NUP35: variants seen among roughly 807,000 people sequenced by gnomAD.
NUP35 encodes the protein nucleoporin 35.
Under a neutral mutation model 41.5 loss-of-function variants are expected in NUP35, and 25 were observed. The ratio of observed to expected loss-of-function variants is 0.60; its 90% confidence interval spans 0.44 to 0.84. The LOEUF is 0.84. NUP35 is among the 40% of genes least tolerant of loss of function. The probability of loss-of-function intolerance (pLI) is 0.00; values close to 1 mark genes in which losing one functional copy is unlikely to be tolerated. For synonymous variants in NUP35, 149 were observed against 130.7 expected (o/e 1.14, Z -0.96); for missense variants, 396 against 396.6 (o/e 1.00, Z 0.01).
At chr2:183,153,151 A>G (rs1345389048) in intron 5 of NUP35, among the ~76,000 whole-genome samples, 3 of 152,186 alleles carry the variant, frequency 2.0e-5, no homozygotes, top group Non-Finnish European at 1.5e-5. Flanking sequence ...CCATGAATCA[A>G]TTACCTCTCC....
chr2:183,156,900 A>T (rs1381015965), intron 5 of NUP35, among the ~76,000 whole-genome samples: 1 of 152,178 alleles, frequency 6.6e-6, no homozygotes, highest in African/African-American at 2.4e-5. Context: ...GAATTTTCTC[A>T]TGCAGAGATA....
At chr2:183,120,616 T>A (rs2675054), upstream of NUP35, among the ~76,000 whole-genome samples, 1 of 152,118 alleles carries the variant, frequency 6.6e-6, no homozygotes, top group South Asian at 2.1e-4. Context: ...AAAAACAAAG[T>A]GGAGCAGACA....
At chr2:183,134,536 G>A (rs1471976626) in intron 4 of NUP35, among the ~76,000 whole-genome samples, 1 of 151,920 alleles carries the variant, frequency 6.6e-6, no homozygotes, top group Non-Finnish European at 1.5e-5. Flanking sequence ...GAGGTCGGAA[G>A]TTTGAAATGG....
At chr2:183,152,919 G>T (rs769760136) in intron 5 of NUP35, among the ~76,000 whole-genome samples, 1 of 152,180 alleles carries the variant, frequency 6.6e-6, no homozygotes, top group Non-Finnish European at 1.5e-5. Context: ...TATTCATACT[G>T]ATAAAGACAT....
intron 1 of NUP35, among the ~76,000 whole-genome samples, chr2:183,126,163 G>A (rs897287043): frequency 6.6e-6 from 1 of 152,060 alleles, no homozygotes; most frequent in African/African-American, 2.4e-5. Context: ...AGCCTCCCAG[G>A]GGCTGGGACC....
At chr2:183,126,251 C>G (rs1237685292) in intron 1 of NUP35, among the ~76,000 whole-genome samples, 2 of 152,188 alleles carry the variant, frequency 1.3e-5, no homozygotes, top group East Asian at 1.9e-4. Flanking sequence ...AGACTGGTCT[C>G]GAACTGAGCT....
upstream of NUP35, among the ~76,000 whole-genome samples, chr2:183,122,027 AC>A (rs1422914603): frequency 6.7e-6 from 1 of 149,252 alleles, no homozygotes; most frequent in Non-Finnish European, 1.5e-5. Context: ...CAATTTACAA[AC>A]CCTTTTCTAC....
chr2:183,120,440 C>T (rs1432232315), upstream of NUP35, among the ~76,000 whole-genome samples: 14 of 98,924 alleles, frequency 1.4e-4, no homozygotes, highest in African/African-American at 4.4e-4. Flanking sequence ...AGTGAGACTC[C>T]GTCTCAAAAA....
At chr2:183,139,136 A>G (rs1471531288) in intron 4 of NUP35, among the ~76,000 whole-genome samples, 1 of 151,870 alleles carries the variant, frequency 6.6e-6, no homozygotes, top group East Asian at 1.9e-4. Context: ...ATTAAAATGT[A>G]TGCTTTTCAG....
upstream of NUP35, among the ~76,000 whole-genome samples, chr2:183,122,534 G>A (rs144264936): frequency 5.7e-3 from 861 of 152,170 alleles, 6 homozygotes; most frequent in Non-Finnish European, 8.8e-3. Flanking sequence ...CTATCACAGA[G>A]GTCTTTCTAG....
chr2:183,140,778 G>A (rs1256380455), intron 4 of NUP35, among the ~76,000 whole-genome samples: 2 of 142,036 alleles, frequency 1.4e-5, no homozygotes, highest in Admixed American at 7.3e-5. Flanking sequence ...AGCCGAGATC[G>A]CACCACTGCA....
chr2:183,161,352 AT>A lies in NUP35; in HGVS notation c.*225del. 1 of 357,714 alleles carries A rather than the reference AT, an allele frequency of 2.8e-6. No individual in the cohort carries two copies. The highest frequency in any genetic ancestry group is 4.2e-5 in the East Asian group (1 of 23,650). 22.2% of individuals were successfully genotyped at this position (357,714 alleles called of 1,614,324 possible). On this transcript the variant is annotated 3_prime_UTR_variant, in exon 9 of 9. Coordinates refer to ENST00000295119, the MANE Select transcript of NUP35 (RefSeq NM_138285.5). The stretch of plus-strand genomic sequence containing the variant: ...AAAACTAAAAATCCCTGTAAATAGG[AT>A]TTTGTGCTTTCTGTAACAGTGCATG...
In NUP35 at chr2:183,150,560, A is replaced by G. The variant is rs186296873; in HGVS notation, c.398-948A>G. On this transcript the variant is annotated intron_variant, in intron 4 of 8. Transcript: ENST00000295119. ...ATGCACCTCAGTGAAATCCTTTTTC[A>G]TTTAACCCACCCACACAAATTGGCC... Among the ~76,000 whole-genome samples, 3 of 152,028 alleles carry G rather than the reference A, an allele frequency of 2.0e-5. 1 individual carries two copies. The East Asian group carries it at 5.8e-4, about 29-fold the overall frequency.
chr2:183,121,933 A>ATTATTATTATTAT (rs1553526836), upstream of NUP35, among the ~76,000 whole-genome samples: 7 of 149,722 alleles, frequency 4.7e-5, no homozygotes, highest in Non-Finnish European at 8.9e-5. Context: ...TATTATTATT[A>ATTATTATTATTAT]TACTTTAAGT....
At chr2:183,126,525 C>T (rs746389157) in intron 1 of NUP35, among the ~76,000 whole-genome samples, 2 of 151,994 alleles carry the variant, frequency 1.3e-5, no homozygotes, top group African/African-American at 4.8e-5. Context: ...GATCTTCTTA[C>T]GAAATATTTC....
intron 1 of NUP35, among the ~76,000 whole-genome samples, 173 bp from the exon 2 acceptor site, chr2:183,128,114 C>G (rs1394599716): frequency 6.6e-6 from 1 of 150,538 alleles, no homozygotes; most frequent in African/African-American, 2.4e-5. Flanking sequence ...TTACATTTTT[C>G]TAGAAATATT....
At chr2:183,118,665 C>T (rs1700023414) in intron 1 of NUP35, 1 of 152,140 alleles carries the variant, frequency 6.6e-6, no homozygotes, top group Non-Finnish European at 1.5e-5. Flanking sequence ...AACAACAATT[C>T]TTGTGTCCTC....
At chr2:183,119,975 G>C (rs1700043524), upstream of NUP35, 1 of 151,568 alleles carries the variant, frequency 6.6e-6, no homozygotes, top group South Asian at 2.1e-4. Flanking sequence ...CACCATGAGA[G>C]ATTCTGATTT....
At chr2:183,133,971 G>A (rs1336315559) in intron 4 of NUP35, among the ~76,000 whole-genome samples, 1 of 152,004 alleles carries the variant, frequency 6.6e-6, no homozygotes, top group Non-Finnish European at 1.5e-5. Flanking sequence ...TATCTCCTTA[G>A]TTATTAAAAC....
Sources: allele counts gnomAD v4.1 joint callset (sites outside exome capture counted in the v4.1 genomes callset), GRCh38; gene constraint gnomAD v4.1.1; transcripts MANE v1.5; gene names NCBI Gene and HGNC (gene_info 2026-07-23, HGNC 2026-07-21).